HEATR5A: variants seen among roughly 807,000 people sequenced by gnomAD.
HEATR5A encodes the protein HEAT repeat-containing protein 5A.
A neutral mutation model predicts 218.8 loss-of-function variants in HEATR5A; 178 were observed. The ratio of observed to expected loss-of-function variants is 0.81; its 90% CI spans 0.72 to 0.92. The LOEUF is 0.92. Ranked by LOEUF, HEATR5A falls within the 40% of genes least tolerant of loss-of-function variation. HEATR5A has a pLI of 0.00. For missense variants in HEATR5A, 2,420 were observed against 2,418.9 expected (o/e 1.00, Z -0.01); for synonymous variants, 864 against 871.6 (o/e 0.99, Z 0.15).
chr14:31,411,704 C>T (rs1246807192), intron 1 of HEATR5A, among the ~76,000 whole-genome samples: 1 of 152,128 alleles, frequency 6.6e-6, no homozygotes, highest in African/African-American at 2.4e-5. Flanking sequence ...ATGTTTTAAC[C>T]ATAGGCTTCT....
intron 22 of HEATR5A, among the ~76,000 whole-genome samples, chr14:31,333,497 C>A (rs1157090326): frequency 6.6e-6 from 1 of 152,000 alleles, no homozygotes; most frequent in Non-Finnish European, 1.5e-5. Flanking sequence ...AGTGATCCAC[C>A]CACCTCGGCC....
intron 30 of HEATR5A, 29 bp from the exon 31 acceptor site, chr14:31,306,908 G>A (rs1384200434): frequency 6.6e-6 from 10 of 1,522,384 alleles, no homozygotes; most frequent in Non-Finnish European, 8.9e-6. Flanking sequence ...ACAGGACACT[G>A]TATTAGAAAT....
intron 6 of HEATR5A, among the ~76,000 whole-genome samples, chr14:31,393,847 C>T (rs946481314): frequency 1.3e-5 from 2 of 152,116 alleles, no homozygotes; most frequent in African/African-American, 2.4e-5. Flanking sequence ...CGGGTCTCAC[C>T]ATGTTGGCCA....
At position 31,309,891 on chromosome 14, in the gene HEATR5A, T is replaced by C. The variant is rs779554681; in HGVS notation, c.4442-709A>G. Among the ~76,000 whole-genome samples the C allele has an allele frequency of 2.0e-4, 31 of 152,008 alleles. No homozygotes were observed. In the South Asian group the frequency reaches 5.6e-3, roughly 28 times the overall value. On this transcript the variant is annotated intron_variant, in intron 28 of 35. Transcript: ENST00000543095. ...CTAATTTTTTGTATTTTAGTAGAGA[T>C]GGGGTTTCACCATGTTGCCCAGGTT...
chr14:31,321,502 G>A lies in HEATR5A; in HGVS notation c.3966C>T (p.Ala1322=). Residue 1322 remains alanine, a synonymous_variant, in exon 25 of 36, where the codon GCC becomes GCT. Transcript: ENST00000543095. ...TTCTCTAAAAGAAAGTGCTTACATT[G>A]GCTTGATACTGTTCCAGAATCACAT... ...PGHVILEQYQ[A]NVGAALRPAF... is the part of the protein sequence containing the mutation. 6.3e-7 allele frequency: 1 copy of A among 1,584,966 alleles called. No individual in the cohort carries two copies. Among genetic ancestry groups the A allele is most frequent in the Non-Finnish European group, 8.6e-7 (1 of 1,164,740 alleles).
intron 8 of HEATR5A, 45 bp downstream of exon 8, chr14:31,387,075 T>C: frequency 6.3e-7 from 1 of 1,593,118 alleles, no homozygotes; most frequent in South Asian, 1.1e-5. Flanking sequence ...AAAGGGACAA[T>C]TCCATTAGCA....
intron 11 of HEATR5A, among the ~76,000 whole-genome samples, chr14:31,376,108 C>A (rs185457753): frequency 6.6e-6 from 1 of 152,150 alleles, no homozygotes; most frequent in Admixed American, 6.5e-5. Context: ...GTTGTGTAAA[C>A]CTGGATGAGT....
intron 25 of HEATR5A, chr14:31,320,617 T>C (rs1156518106): frequency 2.8e-6 from 2 of 709,664 alleles, no homozygotes; most frequent in African/African-American, 1.7e-5. Flanking sequence ...AAATGAGTAA[T>C]ACCCCGGTGG....
In HEATR5A at chr14:31,399,754, C is replaced by A. The variant is rs144064992; in HGVS notation, c.338+547G>T. On this transcript the variant is annotated intron_variant, in intron 3 of 35. Coordinates refer to ENST00000543095, the MANE Select transcript of HEATR5A (RefSeq NM_015473.4). ...CTAAGACAGGGGAATCGCTCGAACC[C>A]AGGAGGCAGAGGTTGCAGTGAGTCG... Among the ~76,000 whole-genome samples the A allele has an allele frequency of 4.3e-4, 65 of 152,250 alleles. No individual in the cohort carries two copies. In the East Asian group the frequency reaches 0.012, roughly 28 times the overall value.
chr14:31,388,288 A>G (rs1346956133), intron 7 of HEATR5A, among the ~76,000 whole-genome samples: 1 of 152,204 alleles, frequency 6.6e-6, no homozygotes, highest in Non-Finnish European at 1.5e-5. Flanking sequence ...TTTGCTTTGA[A>G]TGATAACGGT....
chr14:31,400,651 A>G, intron 2 of HEATR5A, 139 bp from the exon 3 acceptor site: 5 of 619,924 alleles, frequency 8.1e-6, no homozygotes, highest in Non-Finnish European at 1.4e-5. Context: ...GAAGTTACAA[A>G]TAAGTTGGTA....
At chr14:31,348,883 A>G (rs1901110001) in intron 18 of HEATR5A, among the ~76,000 whole-genome samples, 1 of 152,202 alleles carries the variant, frequency 6.6e-6, no homozygotes, top group African/African-American at 2.4e-5. Flanking sequence ...AGTGCTATCA[A>G]TACTACCACC....
In HEATR5A at chr14:31,414,544, G is replaced by A. The variant is rs75593818; in HGVS notation, c.-75+5928C>T. On this transcript the variant is annotated intron_variant, in intron 1 of 35. Transcript: ENST00000543095. ...CAATATAGGGCTACTTAATACAGGT[G>A]CAAAGTGTACAAGATGCCATTATTC... Among the ~76,000 whole-genome samples, 1,486 of 152,284 alleles carry A rather than the reference G, an allele frequency of 9.8e-3. 24 individuals are homozygous for A. The highest frequency in any genetic ancestry group is 0.034 in the African/African-American group (1,406 of 41,558).
chr14:31,318,388 C>G, intron 25 of HEATR5A, 96 bp from the exon 26 acceptor site: 1 of 948,672 alleles, frequency 1.1e-6, no homozygotes, highest in African/African-American at 1.6e-5. Flanking sequence ...TTATTTATAA[C>G]AGGTATTATG....
chr14:31,395,056 G>A, intron 5 of HEATR5A, 143 bp downstream of exon 5: 3 of 488,034 alleles, frequency 6.1e-6, no homozygotes, highest in Non-Finnish European at 1.1e-5. Context: ...ATATAACTCT[G>A]GGCCTTAGTT....
At chr14:31,408,910 T>A in intron 1 of HEATR5A, among the ~76,000 whole-genome samples, 1 of 99,538 alleles carries the variant, frequency 1.0e-5, no homozygotes. Flanking sequence ...GCTAAAACGG[T>A]GAAACCCCGT....
At chr14:31,323,395 C>G (rs147985914) in intron 24 of HEATR5A, among the ~76,000 whole-genome samples, 170 bp downstream of exon 24, 7 of 152,156 alleles carry the variant, frequency 4.6e-5, no homozygotes, top group African/African-American at 1.7e-4. Context: ...CTCCTGGGCT[C>G]AAGTGATCCT....
chr14:31,403,662 G>A (rs745507423), intron 1 of HEATR5A, among the ~76,000 whole-genome samples: 5 of 152,190 alleles, frequency 3.3e-5, no homozygotes, highest in Non-Finnish European at 5.9e-5. Context: ...TTTTTTAAAT[G>A]GGTATTGTCC....
chr14:31,417,861 AT>A (rs1389734129), intron 1 of HEATR5A, among the ~76,000 whole-genome samples: 3 of 152,208 alleles, frequency 2.0e-5, no homozygotes, highest in Non-Finnish European at 1.5e-5. Flanking sequence ...ATCCAGAAGC[AT>A]TTATGAGTCC....
Sources: allele counts gnomAD v4.1 joint callset (sites outside exome capture counted in the v4.1 genomes callset), GRCh38; gene constraint gnomAD v4.1.1; transcripts MANE v1.5; gene names NCBI Gene and HGNC (gene_info 2026-07-23, HGNC 2026-07-21).